Variants in TPST1 observed in about 807,000 individuals in gnomAD.
TPST1 encodes tyrosylprotein sulfotransferase 1.
In TPST1, 20 loss-of-function variants were observed where a neutral mutation model predicts 34.8. The ratio of observed to expected loss-of-function variants is 0.57; its 90% confidence interval spans 0.40 to 0.84. The LOEUF (loss-of-function observed/expected upper bound fraction) is 0.84, where lower values mean the gene tolerates loss of function less well. Ranked by LOEUF, TPST1 falls within the 40% of genes least tolerant of loss-of-function variation. TPST1 has a pLI of 0.00. For missense variants in TPST1, 353 were observed against 455.5 expected (o/e 0.78, Z 2.05); for synonymous variants, 152 against 159.4 (o/e 0.95, Z 0.35).
At chr7:66,252,693 G>T (rs981200330) in intron 2 of TPST1, among the ~76,000 whole-genome samples, 1 of 152,002 alleles carries the variant, frequency 6.6e-6, no homozygotes, top group Non-Finnish European at 1.5e-5. Context: ...CACTTTAACA[G>T]AATTAAGAAA....
chr7:66,225,482 C>T (rs981726457), intron 1 of TPST1, among the ~76,000 whole-genome samples: 2 of 152,150 alleles, frequency 1.3e-5, no homozygotes, highest in South Asian at 2.1e-4. Context: ...CGTGGCGGCA[C>T]ATGCCTGTAA....
At chr7:66,306,968 G>C (rs917105860) in intron 3 of TPST1, among the ~76,000 whole-genome samples, 3 of 152,118 alleles carry the variant, frequency 2.0e-5, no homozygotes, top group African/African-American at 7.2e-5. Context: ...ACCCACTTCA[G>C]CCTCCCCACA....
At chr7:66,254,423 G>A (rs1039123142) in intron 2 of TPST1, among the ~76,000 whole-genome samples, 1 of 151,756 alleles carries the variant, frequency 6.6e-6, no homozygotes, top group African/African-American at 2.4e-5. Context: ...TATTCTTTTG[G>A]GATGGAGTCT....
Position 66,240,321 on chromosome 7 carries a change from C to T in TPST1, c.-101-4C>T. 1 of 1,355,412 alleles carries T rather than the reference C, an allele frequency of 7.4e-7. No individual in the cohort carries two copies. Among genetic ancestry groups the T allele is most frequent in the Non-Finnish European group, 9.9e-7 (1 of 1,011,208 alleles). The allele number at this position is 1,355,412 out of a possible 1,614,324, so 84.0% of individuals were successfully genotyped here. On this transcript the variant is annotated splice_region_variant and splice_polypyrimidine_tract_variant and intron_variant, in intron 1 of 5. Transcript: ENST00000304842. ...GATAAATAACCTTTTCCTTTCTCTA[C>T]TAGATGTTGGTTATCTTTCTGAAGT...
intron 3 of TPST1, among the ~76,000 whole-genome samples, chr7:66,338,454 T>G (rs1056264760): frequency 4.6e-5 from 7 of 152,172 alleles, no homozygotes; most frequent in African/African-American, 1.7e-4. Context: ...ACGTAGACAT[T>G]AAACTGTACT....
chr7:66,342,076 C>A (rs769608462), intron 3 of TPST1, among the ~76,000 whole-genome samples: 1 of 152,044 alleles, frequency 6.6e-6, no homozygotes, highest in Non-Finnish European at 1.5e-5. Context: ...ATAGAGAAAA[C>A]GAACAGCAGG....
intron 2 of TPST1, among the ~76,000 whole-genome samples, chr7:66,274,178 C>T (rs918855485): frequency 1.3e-5 from 2 of 151,664 alleles, no homozygotes; most frequent in African/African-American, 2.4e-5. Flanking sequence ...ACCATCCTGG[C>T]TAACACGGTG....
At chr7:66,304,052 T>C (rs867271506) in intron 3 of TPST1, among the ~76,000 whole-genome samples, 26 of 152,328 alleles carry the variant, frequency 1.7e-4, no homozygotes, top group Middle Eastern at 6.8e-3. Context: ...ATTGAGCCAC[T>C]GTTAAGTGTT....
chr7:66,244,236 AG>A (rs1790103402), intron 2 of TPST1, among the ~76,000 whole-genome samples: 2 of 152,142 alleles, frequency 1.3e-5, no homozygotes, highest in African/African-American at 4.8e-5. Context: ...TACAGGCGTG[AG>A]CCACCGCGCC....
At chr7:66,204,243 C>T (rs528685335), upstream of TPST1, among the ~76,000 whole-genome samples, 1 of 152,062 alleles carries the variant, frequency 6.6e-6, no homozygotes, top group Admixed American at 6.5e-5. Flanking sequence ...AGTGCCGATA[C>T]ATGCTACAAC....
intron 2 of TPST1, among the ~76,000 whole-genome samples, chr7:66,248,747 T>G (rs1364401283): frequency 1.3e-5 from 2 of 152,124 alleles, no homozygotes; most frequent in Admixed American, 1.3e-4. Context: ...TCTCCTGACC[T>G]CATGATCCGC....
Position 66,284,001 on chromosome 7 carries a change from C to T in TPST1, c.846-2510C>T, listed in dbSNP as rs557877514. On this transcript the variant is annotated intron_variant, in intron 2 of 5. Coordinates refer to ENST00000304842, the MANE Select transcript of TPST1 (RefSeq NM_003596.4). ...TGATATATATAAAATGTCATTTCTG[C>T]TGATCTTAAAGAGAAACACTTGACT... 7.1e-4 allele frequency among the ~76,000 whole-genome samples: 108 copies of T among 152,296 alleles called. 1 individual carries two copies. The highest frequency in any genetic ancestry group is 1.3e-3 in the Non-Finnish European group (87 of 68,020).
intron 1 of TPST1, among the ~76,000 whole-genome samples, chr7:66,232,403 C>T (rs754958911): frequency 6.6e-5 from 10 of 151,666 alleles, no homozygotes; most frequent in South Asian, 2.1e-4. Flanking sequence ...GACAGAGTCT[C>T]GCTCTGTCTC....
chr7:66,255,019 C>G (rs1471512632), intron 2 of TPST1, among the ~76,000 whole-genome samples: 1 of 151,730 alleles, frequency 6.6e-6, no homozygotes, highest in South Asian at 2.1e-4. Context: ...TGGTGGCGGG[C>G]GCCTGTAGTC....
intron 3 of TPST1, among the ~76,000 whole-genome samples, chr7:66,313,784 TTCTC>T (rs1345841809): frequency 1.3e-5 from 2 of 152,070 alleles, no homozygotes; most frequent in African/African-American, 4.8e-5. Context: ...TGTGTTTGTC[TTCTC>T]TCTCTTTCTC....
intron 1 of TPST1, among the ~76,000 whole-genome samples, chr7:66,233,764 C>T (rs998911228): frequency 9.9e-5 from 15 of 152,218 alleles, no homozygotes; most frequent in Admixed American, 6.5e-5. Context: ...ATATCTTTAA[C>T]TTGACCTACA....
chr7:66,219,755 A>G (rs555169934), intron 1 of TPST1, among the ~76,000 whole-genome samples: 2 of 152,374 alleles, frequency 1.3e-5, no homozygotes, highest in East Asian at 3.9e-4. Flanking sequence ...GCCAAGCCTA[A>G]TAATGACTGG....
chr7:66,332,345 G>A lies in TPST1; in HGVS notation c.1045-20160G>A, dbSNP rs1412305002. On this transcript the variant is annotated intron_variant, in intron 3 of 5. Transcript: ENST00000304842. The surrounding 1 kb of genome is among the most constrained non-coding windows in gnomAD (Gnocchi z 4.5). ...GTGCAAGGCACAATCTCAGCTCACT[G>A]CAACGTCCGTCTCCTGAGTTCAAGC... Among the ~76,000 whole-genome samples the A allele has an allele frequency of 1.3e-5, 2 of 151,186 alleles. No individual in the cohort carries two copies. The highest frequency in any genetic ancestry group is 4.9e-5 in the African/African-American group (2 of 41,108).
chr7:66,341,262 T>C (rs1317399632), intron 3 of TPST1, among the ~76,000 whole-genome samples: 1 of 152,138 alleles, frequency 6.6e-6, no homozygotes, highest in Non-Finnish European at 1.5e-5. Context: ...TATACACACA[T>C]AGGTATATAA....
Sources: allele counts gnomAD v4.1 joint callset (sites outside exome capture counted in the v4.1 genomes callset), GRCh38; gene constraint gnomAD v4.1.1; non-coding constraint Gnocchi (gnomAD v3.1); transcripts MANE v1.5; gene names NCBI Gene and HGNC (gene_info 2026-07-23, HGNC 2026-07-21).